DDIAS: variants seen among roughly 807,000 people sequenced by gnomAD.
DDIAS encodes DNA damage-induced apoptosis suppressor protein.
DDIAS carries 14 observed loss-of-function variants against 15.7 expected under a neutral mutation model. The ratio of observed to expected loss-of-function variants is 0.89; its 90% CI spans 0.59 to 1.39. DDIAS has a LOEUF of 1.39. Ranked by LOEUF, DDIAS falls within the 40% of genes most tolerant of loss-of-function variation. The probability of loss-of-function intolerance (pLI) is 0.00; values close to 1 mark genes in which losing one functional copy is unlikely to be tolerated. For missense variants in DDIAS, 1,035 were observed against 1,130.9 expected (o/e 0.92, Z 1.22); for synonymous variants, 355 against 395.9 (o/e 0.90, Z 1.23).
intron 3 of DDIAS, among the ~76,000 whole-genome samples, chr11:82,915,575 G>A (rs1165207514): frequency 6.6e-6 from 1 of 152,306 alleles, no homozygotes; most frequent in East Asian, 1.9e-4. Context: ...TAGACTCTAA[G>A]TAATCCTTGA....
chr11:82,908,926 A>G (rs1161919837), intron 1 of DDIAS, among the ~76,000 whole-genome samples: 1 of 152,150 alleles, frequency 6.6e-6, no homozygotes, highest in African/African-American at 2.4e-5. Flanking sequence ...GTAAAACTGA[A>G]CTTCTCTGCT....
In DDIAS at chr11:82,933,938, C is replaced by G. The variant is rs1861060827; in HGVS notation, c.2600C>G (p.Pro867Arg). 6.2e-7 allele frequency: 1 copy of G among 1,612,688 alleles called. No homozygotes were observed. Among genetic ancestry groups the G allele is most frequent in the Non-Finnish European group, 8.5e-7 (1 of 1,179,666 alleles). ...HETDSDEWVP[P>R]TTQKIFPSDM... ...ACTGATAGTGATGAATGGGTCCCTC[C>G]TACCACACAAAAAATATTTCCTTCA... Residue 867 changes from proline (P) to arginine (R), a missense_variant, in exon 6 of 6, where the codon CCT becomes CGT. By Grantham distance (103) the Pro-to-Arg change is moderately radical. Coordinates refer to ENST00000533655, the MANE Select transcript of DDIAS (RefSeq NM_145018.4).
chr11:82,934,233 T>A lies in DDIAS; in HGVS notation c.2895T>A (p.Pro965=). ...CTCAGCTGCACCCTATTCTTGGACC[T>A]GATTCTTGTTCAGAAGTCAAATGTT... is the stretch of plus-strand genomic sequence containing the variant. The part of the protein sequence containing the change: ...AAPQLHPILG[P]DSCSEVKCCL... The change falls in exon 6 of 6, where the codon CCT becomes CCA. Residue 965 remains proline (P), a synonymous_variant. Coordinates refer to ENST00000533655, the MANE Select transcript of DDIAS (RefSeq NM_145018.4). 6.2e-7 allele frequency: 1 copy of A among 1,614,092 alleles called. No homozygotes were observed. Among genetic ancestry groups the A allele is most frequent in the Non-Finnish European group, 8.5e-7 (1 of 1,179,992 alleles).
chr11:82,932,658 C>T lies in DDIAS; in HGVS notation c.1320C>T (p.Val440=). 1 of 1,613,998 alleles carries T rather than the reference C, an allele frequency of 6.2e-7. No homozygotes were observed. The highest frequency in any genetic ancestry group is 8.5e-7 in the Non-Finnish European group (1 of 1,180,032). The part of the protein sequence containing the change: ...ESEIAVTQAD[V]SSRKHHVDND... ...AGATTGCTGTAACCCAGGCAGATGT[C>T]AGTAGTAGGAAACATCATGTAGATA... Residue 440 remains valine (V), a synonymous_variant, in exon 6 of 6, where the codon GTC becomes GTT. Transcript: ENST00000533655.
At chr11:82,918,606 T>G (rs1860679911) in intron 3 of DDIAS, among the ~76,000 whole-genome samples, 1 of 152,226 alleles carries the variant, frequency 6.6e-6, no homozygotes, top group African/African-American at 2.4e-5. Context: ...TTTTTCTAAT[T>G]CTGTGAAGAA....
At chr11:82,917,509 G>A (rs1025571154) in intron 3 of DDIAS, among the ~76,000 whole-genome samples, 4 of 152,132 alleles carry the variant, frequency 2.6e-5, no homozygotes, top group Non-Finnish European at 2.9e-5. Flanking sequence ...GTAGTTCATC[G>A]TGTATATATA....
intron 3 of DDIAS, among the ~76,000 whole-genome samples, chr11:82,915,304 A>T (rs1860610279): frequency 6.6e-6 from 1 of 152,198 alleles, no homozygotes; most frequent in Non-Finnish European, 1.5e-5. Context: ...ATAATTCTTT[A>T]TCATGGTGCT....
At position 82,932,230 on chromosome 11, in the gene DDIAS, C is replaced by T; in HGVS notation, c.892C>T (p.Leu298Phe). 1.9e-6 allele frequency: 3 copies of T among 1,613,688 alleles called. No individual in the cohort carries two copies. The highest frequency in any genetic ancestry group is 1.7e-4 in the Middle Eastern group (1 of 6,058). ...TGATCCCATTCAGGATTCATGGAGC[C>T]TTGTTTCATATATGGATAAAAAGAG... Reference protein sequence around the residue: ...CHDPIQDSWSLVSYMDKKSTA... With the variant: ...CHDPIQDSWSFVSYMDKKSTA... Residue 298 changes from leucine (L) to phenylalanine (F), a missense_variant, in exon 6 of 6, where the codon CTT (leucine) becomes TTT (phenylalanine). By Grantham distance (22) the Leu-to-Phe change is conservative. Transcript: ENST00000533655.
chr11:82,907,358 G>A (rs1038511647), intron 1 of DDIAS, among the ~76,000 whole-genome samples: 2 of 152,090 alleles, frequency 1.3e-5, no homozygotes, highest in Non-Finnish European at 2.9e-5. Flanking sequence ...CAAATGGTAG[G>A]ACTACAGAGG....
At chr11:82,909,996 TCAC>T (rs990665100) in intron 1 of DDIAS, among the ~76,000 whole-genome samples, 8 of 152,220 alleles carry the variant, frequency 5.3e-5, no homozygotes, top group Non-Finnish European at 1.5e-5. Context: ...CCTTCCATAG[TCAC>T]CACATTTCTA....
At chr11:82,912,803 T>G (rs1202045423) in intron 1 of DDIAS, among the ~76,000 whole-genome samples, 1 of 152,222 alleles carries the variant, frequency 6.6e-6, no homozygotes, top group Non-Finnish European at 1.5e-5. Context: ...GTTTCTGTCT[T>G]TTATTTTAAA....
intron 3 of DDIAS, among the ~76,000 whole-genome samples, chr11:82,919,646 A>T (rs1304794983): frequency 6.6e-6 from 1 of 152,162 alleles, no homozygotes; most frequent in Non-Finnish European, 1.5e-5. Context: ...TCTTTATCTC[A>T]TAGAATAGCG....
intron 3 of DDIAS, among the ~76,000 whole-genome samples, chr11:82,921,486 T>G (rs1311309854): frequency 6.6e-6 from 1 of 152,018 alleles, no homozygotes; most frequent in Non-Finnish European, 1.5e-5. Flanking sequence ...TCATGATTTA[T>G]GCTTTTAAGA....
chr11:82,927,121 T>C (rs1199708699), intron 3 of DDIAS, among the ~76,000 whole-genome samples: 2 of 152,226 alleles, frequency 1.3e-5, no homozygotes, highest in African/African-American at 4.8e-5. Context: ...AATGAAATAA[T>C]GTATGTTGAA....
chr11:82,913,602 A>T (rs1860566302), intron 2 of DDIAS: 1 of 365,444 alleles, frequency 2.7e-6, no homozygotes, highest in African/African-American at 2.2e-5. Context: ...TTTGACATGT[A>T]ACATTTTGCT....
chr11:82,901,957 G>C (rs1250970698), intron 1 of DDIAS, 135 bp downstream of exon 1: 1 of 152,244 alleles, frequency 6.6e-6, no homozygotes, highest in Non-Finnish European at 1.5e-5. Flanking sequence ...TAAACGGGCA[G>C]CCATGAGGGT....
chr11:82,928,451 G>A (rs113384521), intron 3 of DDIAS, among the ~76,000 whole-genome samples: 1,960 of 151,702 alleles, frequency 0.013, 32 homozygotes, highest in African/African-American at 0.044. Flanking sequence ...CACCCGCCTC[G>A]GCCTCCCAAA....
intron 2 of DDIAS, chr11:82,913,759 A>G (rs1169591341): frequency 2.3e-6 from 1 of 429,620 alleles, no homozygotes; most frequent in Admixed American, 2.9e-5. Context: ...AAGTTCATGT[A>G]CACATTGAAT....
chr11:82,910,577 C>T (rs1210241494), intron 1 of DDIAS, among the ~76,000 whole-genome samples: 1 of 141,682 alleles, frequency 7.1e-6, no homozygotes, highest in Non-Finnish European at 1.5e-5. Flanking sequence ...TGCCACAGAT[C>T]AAGCTTTTAA....
Sources: allele counts gnomAD v4.1 joint callset (sites outside exome capture counted in the v4.1 genomes callset), GRCh38; gene constraint gnomAD v4.1.1; transcripts MANE v1.5; gene names NCBI Gene and HGNC (gene_info 2026-07-23, HGNC 2026-07-21).